ZNF791: variants seen among roughly 807,000 people sequenced by gnomAD.
ZNF791 encodes the protein zinc finger protein 791.
ZNF791 carries 4 observed loss-of-function variants against 11.5 expected under a neutral mutation model. The observed-to-expected ratio is 0.35, with a 90% CI of 0.17 to 0.80. The LOEUF (loss-of-function observed/expected upper bound fraction) is 0.80. ZNF791 is among the 30% of genes least tolerant of loss of function. The pLI is 0.53. For synonymous variants in ZNF791, 212 were observed against 228.1 expected (o/e 0.93, Z 0.64); for missense variants, 559 against 699.4 (o/e 0.80, Z 2.26).
rs762154477 is a variant in ZNF791, at chr19:12,623,752, C to G, written c.56C>G (p.Ala19Gly). The G allele has an allele frequency of 1.2e-6, 2 of 1,613,376 alleles. No individual in the cohort carries two copies. The highest frequency in any genetic ancestry group is 1.7e-6 in the Non-Finnish European group (2 of 1,179,740). The change falls in exon 2 of 4, where the codon GCT becomes GGT. Residue 19 changes from alanine to glycine, a missense_variant. Ala to Gly is a moderately conservative substitution (Grantham distance 60). Coordinates refer to ENST00000343325, the MANE Select transcript of ZNF791 (RefSeq NM_153358.3). ...GTGAGCTTCAGCCAGGAGGAGTGGGCTCTGCTGGCTCCTTCACAGAAGAAA... is the reference window on the plus strand; with the variant it reads ...GTGAGCTTCAGCCAGGAGGAGTGGGGTCTGCTGGCTCCTTCACAGAAGAAA... ...VSVSFSQEEW[A>G]LLAPSQKKLY... is the part of the protein sequence containing the mutation.
chr19:12,621,166 A>G (rs2023337197), intron 1 of ZNF791, among the ~76,000 whole-genome samples: 1 of 152,154 alleles, frequency 6.6e-6, no homozygotes, highest in Admixed American at 6.6e-5. Flanking sequence ...GAAAATTGAT[A>G]CTGTCAATCT....
At position 12,628,476 on chromosome 19, in the gene ZNF791, A is replaced by C. The variant is rs2023459755; in HGVS notation, c.947A>C (p.Gln316Pro). 3.1e-6 allele frequency: 5 copies of C among 1,612,456 alleles called. No homozygotes were observed. The highest frequency in any genetic ancestry group is 4.2e-6 in the Non-Finnish European group (5 of 1,179,236). Residue 316 changes from glutamine to proline, a missense_variant, in exon 4 of 4, where the codon CAA becomes CCA. Transcript: ENST00000343325. Reference sequence around the variant, plus strand: ...GCCTTCAGATGTTCCACCTCCATTCAAATTCATGAAAGAATTCATACTGGA... The same window carrying C: ...GCCTTCAGATGTTCCACCTCCATTCCAATTCATGAAAGAATTCATACTGGA... ...GKAFRCSTSI[Q>P]IHERIHTGEK...
intron 1 of ZNF791, among the ~76,000 whole-genome samples, chr19:12,620,168 G>A (rs1329459583): frequency 1.3e-5 from 2 of 151,984 alleles, no homozygotes; most frequent in African/African-American, 2.4e-5. Context: ...CTCCCAAAGT[G>A]CTGGGATTAC....
At chr19:12,622,473 T>G (rs1199429344) in intron 1 of ZNF791, among the ~76,000 whole-genome samples, 1 of 133,184 alleles carries the variant, frequency 7.5e-6, no homozygotes, top group African/African-American at 2.9e-5. Flanking sequence ...GAATGCTGAA[T>G]GATTTGGGTA....
At chr19:12,618,184 C>T (rs2023276717) in intron 1 of ZNF791, among the ~76,000 whole-genome samples, 2 of 152,058 alleles carry the variant, frequency 1.3e-5, no homozygotes, top group Non-Finnish European at 1.5e-5. Flanking sequence ...TTGCAAGGTG[C>T]TGGGATTACA....
rs750370485 is a variant in ZNF791 at position 12,611,049 on chromosome 19, G to A, written c.-31G>A. 7 of 1,614,160 alleles carry A rather than the reference G, an allele frequency of 4.3e-6. No homozygotes were observed. The South Asian group carries it at 6.6e-5, about 15-fold the overall frequency. ...CTGCGCTGGCTCCGTGAACCTTAGG[G>A]ACAACACCGGGACACCCGCGAGGCC... On this transcript the variant is annotated 5_prime_UTR_variant, in exon 1 of 4. Transcript: ENST00000343325.
At chr19:12,627,152 G>C (rs2023441758) in intron 3 of ZNF791, among the ~76,000 whole-genome samples, 1 of 150,810 alleles carries the variant, frequency 6.6e-6, no homozygotes, top group South Asian at 2.1e-4. Flanking sequence ...CTGTACTCCA[G>C]TGCGGGTGAC....
chr19:12,611,193 A>G, intron 1 of ZNF791, 111 bp downstream of exon 1: 1 of 1,449,826 alleles, frequency 6.9e-7, no homozygotes. Flanking sequence ...TGGAACTCCA[A>G]GCGTCCTGTC....
intron 1 of ZNF791, among the ~76,000 whole-genome samples, chr19:12,621,714 C>CGGGGGGGG (rs1028468268): frequency 8.0e-5 from 6 of 75,002 alleles, no homozygotes; most frequent in Non-Finnish European, 1.3e-4. Context: ...ACCTCCACCT[C>CGGGGGGGG]GGTGGGGGGT....
At chr19:12,620,886 G>A (rs928145779) in intron 1 of ZNF791, among the ~76,000 whole-genome samples, 1 of 146,206 alleles carries the variant, frequency 6.8e-6, no homozygotes, top group African/African-American at 2.5e-5. Context: ...TCTGCCTCCC[G>A]AGTAGCTGAG....
At chr19:12,613,377 C>G (rs112005962) in intron 1 of ZNF791, among the ~76,000 whole-genome samples, 80,628 of 151,638 alleles carry the variant, frequency 0.53, 23,374 homozygotes, top group Non-Finnish European at 0.67. Context: ...GTCAGGAGCT[C>G]GAGACCATCC....
chr19:12,632,177 A>G lies in ZNF791; in HGVS notation c.*2917A>G, dbSNP rs2023509382. The G allele has an allele frequency of 6.6e-6, 1 of 151,794 alleles. No individual in the cohort carries two copies. The highest frequency in any genetic ancestry group is 2.4e-5 in the African/African-American group (1 of 41,290). 9.4% of individuals were successfully genotyped at this position (151,794 alleles called of 1,614,324 possible). ...TGGGGTTTCACCGTGTTAAGCCAGG[A>G]TGGTCTCAATCTCCTGACCTCGTGA... On this transcript the variant is annotated 3_prime_UTR_variant, in exon 4 of 4. Transcript: ENST00000343325.
At chr19:12,616,933 T>C (rs1193054608) in intron 1 of ZNF791, among the ~76,000 whole-genome samples, 1 of 40,136 alleles carries the variant, frequency 2.5e-5, no homozygotes, top group Non-Finnish European at 1.1e-4. Context: ...TGGATAGTTT[T>C]GCATGTTACA....
At chr19:12,616,650 A>G (rs1173863215) in intron 1 of ZNF791, among the ~76,000 whole-genome samples, 1 of 152,062 alleles carries the variant, frequency 6.6e-6, no homozygotes, top group Non-Finnish European at 1.5e-5. Flanking sequence ...CCGAGATTGC[A>G]CCACTGCACT....
At position 12,618,808 on chromosome 19, in the gene ZNF791, A is replaced by AGTGTGTGT. The variant is rs60468264; in HGVS notation, c.4-4857_4-4850dup. ...TTTTGTGGTGATTTGTTTACCTCTC[A>AGTGTGTGT]GTGTGTGTGTGTGTGTGTGTGTGTG... On this transcript the variant is annotated intron_variant, in intron 1 of 3. Transcript: ENST00000343325. Among the ~76,000 whole-genome samples, 42 of 143,722 alleles carry AGTGTGTGT rather than the reference A, an allele frequency of 2.9e-4. 1 individual carries two copies. The highest frequency in any genetic ancestry group is 1.5e-3 in the East Asian group (7 of 4,610). 94.3% of individuals were successfully genotyped at this position (143,722 alleles called of 152,430 possible).
At position 12,629,283 on chromosome 19, in the gene ZNF791, A is replaced by G; in HGVS notation, c.*23A>G. ...TAGAAACTCTATAAATGTGAGAAAT[A>G]GGAGAAAGTTTTCAATTCTAACAGA... On this transcript the variant is annotated 3_prime_UTR_variant, in exon 4 of 4. Coordinates refer to ENST00000343325, the MANE Select transcript of ZNF791 (RefSeq NM_153358.3). 7.1e-7 allele frequency: 1 copy of G among 1,416,330 alleles called. No homozygotes were observed. The highest frequency in any genetic ancestry group is 1.4e-5 in the African/African-American group (1 of 69,576). 87.7% of individuals were successfully genotyped at this position (1,416,330 alleles called of 1,614,324 possible). A position where few individuals can be genotyped will look rare whatever the true frequency, so the allele number is the denominator to read the frequency against.
In ZNF791 at chr19:12,629,145, T is replaced by G; in HGVS notation, c.1616T>G (p.Phe539Cys). Residue 539 changes from phenylalanine (F) to cysteine (C), a missense_variant, in exon 4 of 4, where the codon TTT (phenylalanine) becomes TGT (cysteine). Transcript: ENST00000343325. ...AAGGCCTTTAGTCTTCACAGTTCCT[T>G]TCAAAGACATACAAGAATTCACAAT... ...CGKAFSLHSS[F>C]QRHTRIHNYE... 6.3e-7 allele frequency: 1 copy of G among 1,599,850 alleles called. No homozygotes were observed. Among genetic ancestry groups the G allele is most frequent in the Non-Finnish European group, 8.5e-7 (1 of 1,174,740 alleles).
In ZNF791 at chr19:12,628,293, C is replaced by T. The variant is rs1437164215; in HGVS notation, c.764C>T (p.Ser255Phe). ...ACKECGKAFISHTSVLTHMIT... is the reference protein window; with the variant it reads ...ACKECGKAFIFHTSVLTHMIT... ...AAGGAATGTGGGAAAGCCTTCATTT[C>T]CCACACAAGTGTTCTAACACACATG... Residue 255 changes from serine to phenylalanine, a missense_variant, in exon 4 of 4, where the codon TCC (serine) becomes TTC (phenylalanine). Transcript: ENST00000343325. The T allele has an allele frequency of 1.2e-6, 2 of 1,610,862 alleles. No homozygotes were observed. The highest frequency in any genetic ancestry group is 1.7e-5 in the Admixed American group (1 of 59,658).
chr19:12,629,407 AC>A lies in ZNF791; in HGVS notation c.*149del. ...CAAGATGATTCATGTATAGTCAGGT[AC>A]CACATAATCATGTTTCAGTCAGCAA... On this transcript the variant is annotated 3_prime_UTR_variant, in exon 4 of 4. Transcript: ENST00000343325. The A allele has an allele frequency of 1.7e-6, 1 of 589,310 alleles. No individual in the cohort carries two copies. The highest frequency in any genetic ancestry group is 2.7e-6 in the Non-Finnish European group (1 of 370,610). The allele number at this position is 589,310 out of a possible 1,614,324, so 36.5% of individuals were successfully genotyped here. A position where few individuals can be genotyped will look rare whatever the true frequency, so the allele number is the denominator to read the frequency against.
Sources: allele counts gnomAD v4.1 joint callset (sites outside exome capture counted in the v4.1 genomes callset), GRCh38; gene constraint gnomAD v4.1.1; transcripts MANE v1.5; gene names NCBI Gene and HGNC (gene_info 2026-07-23, HGNC 2026-07-21).